Variants in RORA observed in about 807,000 individuals in gnomAD.
The protein encoded by RORA is nuclear receptor ROR-alpha.
In RORA, 7 loss-of-function variants were observed where a neutral mutation model predicts 69.5. The observed-to-expected ratio is 0.10, with a 90% CI of 0.06 to 0.19. The LOEUF (loss-of-function observed/expected upper bound fraction) is 0.19. RORA is among the 10% of genes least tolerant of loss of function. The pLI, the probability that RORA is intolerant of heterozygous loss-of-function variation, is 1.00. For synonymous variants in RORA, 261 were observed against 240.8 expected, an observed-to-expected ratio of 1.08 and a Z score of -0.78; for missense variants, 457 against 663.0, an observed-to-expected ratio of 0.69 and a Z score of 3.41.
intron 1 of RORA, among the ~76,000 whole-genome samples, chr15:61,108,018 G>C (rs775466764): frequency 6.6e-6 from 1 of 152,140 alleles, no homozygotes. Context: ...TCTAGAGAAA[G>C]AAAATCCTGT....
At chr15:60,745,990 A>G (rs1380964012) in intron 1 of RORA, among the ~76,000 whole-genome samples, 1 of 152,230 alleles carries the variant, frequency 6.6e-6, no homozygotes, top group Non-Finnish European at 1.5e-5. Context: ...CCCTCTGGAA[A>G]AAAATATCTG....
intron 2 of RORA, chr15:60,592,970 A>G (rs1270708017): frequency 2.2e-6 from 1 of 454,708 alleles, no homozygotes; most frequent in Middle Eastern, 3.3e-4. Context: ...TCGTTGGTGG[A>G]AAAGACAGGT....
At chr15:60,540,469 A>G (rs2066827361) in intron 2 of RORA, among the ~76,000 whole-genome samples, 2 of 150,708 alleles carry the variant, frequency 1.3e-5, no homozygotes, top group Admixed American at 1.3e-4. Context: ...AAACCACTCC[A>G]CTTTGCAGCT....
At position 61,088,646 on chromosome 15, in the gene RORA, G is replaced by A. The variant is rs76872019; in HGVS notation, c.166+140407C>T. ...GTCCTCATCAGTAAACAGAACCTCA[G>A]AGGATTAATACGAAGGTGAAGGGAG... On this transcript the variant is annotated intron_variant, in intron 1 of 10. Coordinates refer to ENST00000335670, the MANE Select transcript of RORA (RefSeq NM_134261.3). Among the ~76,000 whole-genome samples the A allele has an allele frequency of 9.1e-3, 1,383 of 152,242 alleles. 33 individuals carry two copies. The highest frequency in any genetic ancestry group is 0.032 in the African/African-American group (1,314 of 41,518).
chr15:61,052,039 G>A (rs1458371305), intron 1 of RORA, among the ~76,000 whole-genome samples: 1 of 152,212 alleles, frequency 6.6e-6, no homozygotes, highest in African/African-American at 2.4e-5. Flanking sequence ...AAACTAAATA[G>A]AAATGCTATC....
At chr15:60,503,782 G>A in intron 6 of RORA, 115 bp from the exon 7 acceptor site, 2 of 1,191,606 alleles carry the variant, frequency 1.7e-6, no homozygotes, top group South Asian at 1.5e-5. Context: ...GCCACGAAGA[G>A]TGGCAAAGTG....
chr15:60,957,114 C>T (rs1310283483), intron 1 of RORA, among the ~76,000 whole-genome samples: 1 of 152,166 alleles, frequency 6.6e-6, no homozygotes, highest in Non-Finnish European at 1.5e-5. Context: ...AGGCACTGTG[C>T]TAAACAGTGG....
rs1329084591 is a variant in RORA at position 60,493,568 on chromosome 15, A to G, written c.*3887T>C. ...AAAACTAAAAACACACATTTCTACT[A>G]TGGCACATTCAATGAAATAAAAAGT... On this transcript the variant is annotated 3_prime_UTR_variant, in exon 11 of 11. Transcript: ENST00000335670. 1 of 152,204 alleles carries G rather than the reference A, an allele frequency of 6.6e-6. No individual in the cohort carries two copies. Among genetic ancestry groups the G allele is most frequent in the Non-Finnish European group, 1.5e-5 (1 of 68,034 alleles). The allele number at this position is 152,204 out of a possible 1,614,324, so 9.4% of individuals were successfully genotyped here. A position where few individuals can be genotyped will look rare whatever the true frequency, so the allele number is the denominator to read the frequency against.
chr15:60,971,416 C>T (rs1015123271), intron 1 of RORA, among the ~76,000 whole-genome samples: 7 of 152,286 alleles, frequency 4.6e-5, no homozygotes, highest in African/African-American at 7.2e-5. Flanking sequence ...CTCCCAGGCC[C>T]GCATGTCCCT....
chr15:60,614,890 G>T (rs772254119), intron 2 of RORA: 1 of 1,608,994 alleles, frequency 6.2e-7, no homozygotes, highest in South Asian at 1.1e-5. Flanking sequence ...CTCAAATAAC[G>T]CACCTTTTCT....
At chr15:60,951,612 C>A (rs1378430331) in intron 1 of RORA, among the ~76,000 whole-genome samples, 1 of 150,770 alleles carries the variant, frequency 6.6e-6, no homozygotes. Context: ...GGGGATATCA[C>A]CACCGATCCC....
rs115687049 is a variant in RORA, at chr15:61,141,377, T to A, written c.166+87676A>T. On this transcript the variant is annotated intron_variant, in intron 1 of 10. Transcript: ENST00000335670. ...TGATTTAAAGCCAATACACATGTTA[T>A]GTAATCTTCTGCCCTGTTATAAAAT... Among the ~76,000 whole-genome samples the A allele has an allele frequency of 5.8e-3, 879 of 152,292 alleles. 5 individuals are homozygous for A. Among genetic ancestry groups the A allele is most frequent in the African/African-American group, 0.02 (828 of 41,540 alleles).
chr15:60,939,540 C>T (rs894236990), intron 1 of RORA, among the ~76,000 whole-genome samples: 1 of 152,184 alleles, frequency 6.6e-6, no homozygotes, highest in East Asian at 1.9e-4. Flanking sequence ...TACCACTATG[C>T]GACCTGGAGC....
chr15:60,872,145 G>A (rs1163493084), intron 1 of RORA, among the ~76,000 whole-genome samples: 2 of 152,032 alleles, frequency 1.3e-5, no homozygotes, highest in African/African-American at 4.8e-5. Context: ...AGAGGTAGGA[G>A]CTCCATGTCT....
At chr15:60,826,651 AT>A (rs35007770) in intron 1 of RORA, among the ~76,000 whole-genome samples, 60 of 146,922 alleles carry the variant, frequency 4.1e-4, no homozygotes, top group Middle Eastern at 3.5e-3. Context: ...TCTGAGTATG[AT>A]TTTTTTTTTT....
intron 2 of RORA, among the ~76,000 whole-genome samples, chr15:60,658,956 A>T (rs1014950929): frequency 6.6e-6 from 1 of 152,176 alleles, no homozygotes; most frequent in Non-Finnish European, 1.5e-5. Flanking sequence ...TTCTACCTAG[A>T]CTGTCATTGG....
At chr15:61,216,428 T>C (rs2080040921) in intron 1 of RORA, among the ~76,000 whole-genome samples, 1 of 152,150 alleles carries the variant, frequency 6.6e-6, no homozygotes, top group Non-Finnish European at 1.5e-5. Context: ...CAGCAGTGGG[T>C]CACCATAGTG....
intron 2 of RORA, among the ~76,000 whole-genome samples, chr15:60,548,116 A>G (rs963222668): frequency 6.6e-6 from 1 of 152,188 alleles, no homozygotes; most frequent in Non-Finnish European, 1.5e-5. Flanking sequence ...TGCTACAACT[A>G]CCCCTACACA....
chr15:61,144,266 G>A (rs2079325891), intron 1 of RORA, among the ~76,000 whole-genome samples: 1 of 152,254 alleles, frequency 6.6e-6, no homozygotes, highest in Non-Finnish European at 1.5e-5. Context: ...AGAGACCTCA[G>A]CTGATTCCAC....
Sources: allele counts gnomAD v4.1 joint callset (sites outside exome capture counted in the v4.1 genomes callset), GRCh38; gene constraint gnomAD v4.1.1; transcripts MANE v1.5; gene names NCBI Gene and HGNC (gene_info 2026-07-23, HGNC 2026-07-21).